Variants in MPDZ observed in about 807,000 individuals in gnomAD.
The protein encoded by MPDZ is multiple PDZ domain crumbs cell polarity complex component.
In MPDZ, 234 loss-of-function variants were observed where a neutral mutation model predicts 239.1. The ratio of observed to expected loss-of-function variants is 0.98; its 90% CI spans 0.88 to 1.09. The LOEUF is 1.09. Ranked by LOEUF, MPDZ falls within the 50% of genes least tolerant of loss-of-function variation. The pLI, the probability that MPDZ is intolerant of heterozygous loss-of-function variation, is 0.00. For missense variants in MPDZ, 3,175 were observed against 2,510.0 expected (o/e 1.26, Z -5.66); for synonymous variants, 1,048 against 881.3 (o/e 1.19, Z -3.35).
rs1959175569 is a variant in MPDZ at position 13,222,263 on chromosome 9, T to C, written c.717A>G (p.Ala239=). ...TAGAGTGAGCTGAAATTGTGCTGGC[T>C]GCAGATGGAGAACGGGAAACTATGG... ...VSPIVSRSPS[A]ASTISAHSNP... is the part of the protein sequence containing the mutation. The change falls in exon 6 of 47, where the codon GCA becomes GCG. Residue 239 remains alanine (A), a synonymous_variant. Transcript: ENST00000319217. The C allele has an allele frequency of 6.2e-7, 1 of 1,612,582 alleles. No homozygotes were observed.
intron 30 of MPDZ, among the ~76,000 whole-genome samples, 189 bp from the exon 31 acceptor site, chr9:13,136,371 G>C (rs1173512457): frequency 1.2e-5 from 1 of 80,136 alleles, no homozygotes; most frequent in Non-Finnish European, 2.1e-5. Flanking sequence ...TCTTTCTGTT[G>C]CCCGAGCTGG....
At chr9:13,228,949 C>T (rs1357083203) in intron 3 of MPDZ, among the ~76,000 whole-genome samples, 1 of 152,080 alleles carries the variant, frequency 6.6e-6, no homozygotes, top group African/African-American at 2.4e-5. Context: ...CAAACTAGAG[C>T]ATCTCTGAAT....
rs1950043239 is a variant in MPDZ at position 13,158,108 on chromosome 9, T to C, written c.3362A>G (p.Asp1121Gly). Residue 1121 changes from aspartate (D) to glycine (G), a missense_variant and splice_region_variant, in exon 24 of 47, where the codon GAC becomes GGC. Coordinates refer to ENST00000319217, the MANE Select transcript of MPDZ (RefSeq NM_001378778.1). The part of the protein sequence containing the change: ...LDIFSSYTGR[D>G]IPELPEREEG... ...TTCTCGCTCTGGTAATTCTGGAATG[T>C]CTCTGGTTAAAGAATTACACAATGA... The C allele has an allele frequency of 6.2e-7, 1 of 1,612,016 alleles. No individual in the cohort carries two copies. The highest frequency in any genetic ancestry group is 1.1e-5 in the South Asian group (1 of 90,960).
chr9:13,211,777 A>G (rs1227292123), intron 10 of MPDZ, among the ~76,000 whole-genome samples: 2 of 152,076 alleles, frequency 1.3e-5, no homozygotes, highest in African/African-American at 4.8e-5. Flanking sequence ...AGTAAAATAA[A>G]AAGGTATAGG....
chr9:13,224,990 C>T (rs557358640), intron 3 of MPDZ, among the ~76,000 whole-genome samples: 9 of 152,020 alleles, frequency 5.9e-5, no homozygotes, highest in Non-Finnish European at 1.2e-4. Context: ...TCATGGTGGG[C>T]CCCAAGGCCA....
intron 1 of MPDZ, among the ~76,000 whole-genome samples, chr9:13,252,799 G>C (rs1968443739): frequency 6.6e-6 from 1 of 151,978 alleles, no homozygotes; most frequent in African/African-American, 2.4e-5. Context: ...AGGAAGCCCA[G>C]GGCTACAAAA....
intron 19 of MPDZ, 145 bp from the exon 20 acceptor site, chr9:13,176,562 C>G (rs1182542931): frequency 4.1e-6 from 3 of 731,070 alleles, no homozygotes; most frequent in Non-Finnish European, 6.2e-6. Context: ...TTAACAAACA[C>G]AATTCCTCAC....
chr9:13,260,985 C>G (rs1443214855), intron 1 of MPDZ, among the ~76,000 whole-genome samples: 1 of 152,194 alleles, frequency 6.6e-6, no homozygotes, highest in African/African-American at 2.4e-5. Context: ...CAACCATAAC[C>G]AAGGGAACCA....
At chr9:13,223,218 G>T (rs1490102277) in intron 5 of MPDZ, among the ~76,000 whole-genome samples, 1 of 151,702 alleles carries the variant, frequency 6.6e-6, no homozygotes, top group Non-Finnish European at 1.5e-5. Context: ...TTAAATTATT[G>T]CTCTGGGTAC....
chr9:13,247,833 G>A (rs201755362), intron 2 of MPDZ, 32 bp from the exon 3 acceptor site: 4 of 1,562,258 alleles, frequency 2.6e-6, no homozygotes, highest in Non-Finnish European at 2.6e-6. Context: ...GTCAATAACA[G>A]GATTCAAAGG....
At chr9:13,144,470 G>A (rs1002833350) in intron 26 of MPDZ, among the ~76,000 whole-genome samples, 5 of 151,668 alleles carry the variant, frequency 3.3e-5, no homozygotes, top group Non-Finnish European at 7.4e-5. Context: ...TTTCACACCC[G>A]CTATCTTTTT....
chr9:13,195,007 G>T (rs1389115696), intron 13 of MPDZ, among the ~76,000 whole-genome samples: 4 of 152,082 alleles, frequency 2.6e-5, no homozygotes. Flanking sequence ...AAAGATTATA[G>T]CAAGGTGCAG....
chr9:13,173,673 G>A (rs117142679), intron 21 of MPDZ, among the ~76,000 whole-genome samples: 1,854 of 150,532 alleles, frequency 0.012, 27 homozygotes, highest in Middle Eastern at 0.024. Context: ...CCACTGCACT[G>A]CAGCCTGGGC....
Position 13,217,229 on chromosome 9 carries a change from G to C in MPDZ, c.1152C>G (p.Val384=). 6.2e-7 allele frequency: 1 copy of C among 1,603,184 alleles called. No homozygotes were observed. Among genetic ancestry groups the C allele is most frequent in the South Asian group, 1.1e-5 (1 of 88,642 alleles). Residue 384 remains valine, a synonymous_variant, in exon 9 of 47, where the codon GTC becomes GTG. Coordinates refer to ENST00000319217, the MANE Select transcript of MPDZ (RefSeq NM_001378778.1). The part of the protein sequence containing the change: ...ETFDVELTKN[V]QGLGITIAGY... ...CAGCAATGGTAATTCCTAATCCTTG[G>C]ACATTTTTAGTGAGTTCTACATCAA...
At chr9:13,187,762 G>GAAAACATGTATCTGCCTTTTC (rs34307097) in intron 17 of MPDZ, among the ~76,000 whole-genome samples, 35 of 152,152 alleles carry the variant, frequency 2.3e-4, no homozygotes, top group Admixed American at 1.8e-3. Flanking sequence ...ATTTTCTTAA[G>GAAAACATGTATCTGCCTTTTC]ACTTCAAACT....
chr9:13,148,311 G>C (rs1948696999), intron 25 of MPDZ, among the ~76,000 whole-genome samples: 1 of 151,994 alleles, frequency 6.6e-6, no homozygotes, highest in Admixed American at 6.6e-5. Flanking sequence ...GATCAACTCA[G>C]CTTACACACT....
chr9:13,225,246 G>A lies in MPDZ; in HGVS notation c.184-663C>T, dbSNP rs972994743. Among the ~76,000 whole-genome samples, 8 of 151,936 alleles carry A rather than the reference G, an allele frequency of 5.3e-5. 1 individual carries two copies. Among genetic ancestry groups the A allele is most frequent in the Non-Finnish European group, 1.2e-4 (8 of 67,984 alleles). ...GGAAAAAAAAGTTACAGTAAGCTAA[G>A]GTTAATTTATTATTGAAGGAAGTTT... On this transcript the variant is annotated intron_variant, in intron 3 of 46. Coordinates refer to ENST00000319217, the MANE Select transcript of MPDZ (RefSeq NM_001378778.1).
intron 11 of MPDZ, among the ~76,000 whole-genome samples, chr9:13,205,653 G>A (rs889331869): frequency 1.3e-5 from 2 of 152,116 alleles, no homozygotes; most frequent in African/African-American, 2.4e-5. Flanking sequence ...GTTTCCAACT[G>A]AGAAATGGTG....
intron 1 of MPDZ, among the ~76,000 whole-genome samples, chr9:13,273,071 C>T (rs542973394): frequency 3.0e-4 from 46 of 152,230 alleles, no homozygotes; most frequent in African/African-American, 1.1e-3. Context: ...CCCTTCCATA[C>T]CATATGAAGA....
Sources: allele counts gnomAD v4.1 joint callset (sites outside exome capture counted in the v4.1 genomes callset), GRCh38; gene constraint gnomAD v4.1.1; transcripts MANE v1.5; gene names NCBI Gene and HGNC (gene_info 2026-07-23, HGNC 2026-07-21).